The following FAM136A variants were observed in gnomAD, a reference collection of about 807,000 sequenced individuals.
FAM136A encodes TIM double twin CX3C motif chaperone.
A neutral mutation model predicts 21.6 loss-of-function variants in FAM136A; 25 were observed. The ratio of observed to expected loss-of-function variants is 1.16; its 90% confidence interval spans 0.84 to 1.62. The LOEUF (loss-of-function observed/expected upper bound fraction) is 1.62, where lower values mean the gene tolerates loss of function less well. Among genes scored for constraint, FAM136A ranks in the 40% most tolerant of loss-of-function variants. The pLI is 0.00. For synonymous variants in FAM136A, 119 were observed against 129.4 expected, an observed-to-expected ratio of 0.92 and a Z score of 0.55; for missense variants, 338 against 332.0, an observed-to-expected ratio of 1.02 and a Z score of -0.14.
intron 2 of FAM136A, among the ~76,000 whole-genome samples, chr2:70,299,818 T>C (rs557152236): frequency 6.6e-6 from 1 of 152,212 alleles, no homozygotes; most frequent in African/African-American, 2.4e-5. Context: ...GCCAGGATGG[T>C]CTGGATCTCC....
At position 70,296,668 on chromosome 2, in the gene FAM136A, AGAAATGGGGAT is replaced by A. The variant is rs1343653362; in HGVS notation, c.*610_*620del. On this transcript the variant is annotated 3_prime_UTR_variant, in exon 3 of 3. Coordinates refer to ENST00000430566, the MANE Select transcript of FAM136A (RefSeq NM_001329752.2). Reference sequence around the variant, plus strand: ...AATGTACATCCACATCTTGATGACCAGAAATGGGGATCCACAAGGAACATTTCAAAGTTCTT... The same window carrying A: ...AATGTACATCCACATCTTGATGACCACCACAAGGAACATTTCAAAGTTCTT... The A allele has an allele frequency of 6.6e-6, 1 of 151,874 alleles. No individual in the cohort carries two copies. The highest frequency in any genetic ancestry group is 2.4e-5 in the African/African-American group (1 of 41,060). 9.4% of individuals were successfully genotyped at this position (151,874 alleles called of 1,614,324 possible).
rs1261453008 is a variant in FAM136A at position 70,301,647 on chromosome 2, GCCTGCCACCAGGGGCTTCCCA to G, written c.344_364del (p.Val115_Gln121del). The G allele has an allele frequency of 1.4e-5, 21 of 1,535,500 alleles. No homozygotes were observed. The highest frequency in any genetic ancestry group is 1.8e-5 in the Non-Finnish European group (21 of 1,146,628). On this transcript the variant is annotated inframe_deletion, in exon 1 of 3. Coordinates refer to ENST00000430566, the MANE Select transcript of FAM136A (RefSeq NM_001329752.2). ...AAGAGGGGAAGGTGGTGGGGCGAGCGCCTGCCACCAGGGGCTTCCCACCTGCCGCCGAGGACGCTCCTGCCC... is the reference window on the plus strand; with the variant it reads ...AAGAGGGGAAGGTGGTGGGGCGAGCGCCTGCCGCCGAGGACGCTCCTGCCC...
chr2:70,300,282 C>T (rs1031139071), intron 2 of FAM136A, among the ~76,000 whole-genome samples: 1 of 152,188 alleles, frequency 6.6e-6, no homozygotes. Context: ...CCCCAACAAA[C>T]TGCATAAGGG....
At chr2:70,299,216 C>A (rs1028304973) in intron 2 of FAM136A, among the ~76,000 whole-genome samples, 9 of 152,298 alleles carry the variant, frequency 5.9e-5, no homozygotes, top group African/African-American at 2.2e-4. Flanking sequence ...GAACCTCAGG[C>A]TATGAAAGGC....
chr2:70,298,630 A>AT (rs1333609238), intron 2 of FAM136A, among the ~76,000 whole-genome samples: 1 of 152,238 alleles, frequency 6.6e-6, no homozygotes, highest in Admixed American at 6.5e-5. Context: ...GCCTACAGAT[A>AT]TAAATGCAGG....
chr2:70,299,626 A>G (rs761121360), intron 2 of FAM136A, among the ~76,000 whole-genome samples: 23 of 152,174 alleles, frequency 1.5e-4, no homozygotes, highest in Non-Finnish European at 2.9e-4. Context: ...TTTGAGACGG[A>G]GTCTCGCTCT....
In FAM136A at chr2:70,295,980, G is replaced by A. The variant is rs1697234309; in HGVS notation, c.*1309C>T. On this transcript the variant is annotated 3_prime_UTR_variant, in exon 3 of 3. Coordinates refer to ENST00000430566, the MANE Select transcript of FAM136A (RefSeq NM_001329752.2). Reference sequence around the variant, plus strand: ...TAAGGAAAGAAGACTCAATAGTGGGGAGAAAATTAAACCTTATTTATTTTT... The same window carrying A: ...TAAGGAAAGAAGACTCAATAGTGGGAAGAAAATTAAACCTTATTTATTTTT... 1.3e-5 allele frequency: 2 copies of A among 152,542 alleles called. No homozygotes were observed. Among genetic ancestry groups the A allele is most frequent in the Admixed American group, 1.3e-4 (2 of 15,264 alleles). 9.4% of individuals were successfully genotyped at this position (152,542 alleles called of 1,614,324 possible). A position where few individuals can be genotyped will look rare whatever the true frequency, so the allele number is the denominator to read the frequency against.
At chr2:70,298,653 A>T (rs1331196698) in intron 2 of FAM136A, among the ~76,000 whole-genome samples, 1 of 152,212 alleles carries the variant, frequency 6.6e-6, no homozygotes. Flanking sequence ...CTGTCAGCAT[A>T]GAGATTATAT....
At chr2:70,297,628 T>G in intron 2 of FAM136A, 151 bp from the exon 3 acceptor site, 1 of 689,384 alleles carries the variant, frequency 1.5e-6, no homozygotes, top group East Asian at 2.9e-5. Context: ...CAAGTTTTTT[T>G]TTTTTTTTTT....
rs1374539526 is a variant in FAM136A, at chr2:70,301,824, G to T, written c.188C>A (p.Pro63Gln). Reference sequence around the variant, plus strand: ...CCAGGGCCGCCCACACCCGGTCTGCGGGGACGCGGCTGCAGTGCAAGGCGT... The same window carrying T: ...CCAGGGCCGCCCACACCCGGTCTGCTGGGACGCGGCTGCAGTGCAAGGCGT... ...HATPCTAAAS[P>Q]QTGCGRPWGR... The change falls in exon 1 of 3, where the codon CCG (proline) becomes CAG (glutamine). Residue 63 changes from proline to glutamine, a missense_variant. Coordinates refer to ENST00000430566, the MANE Select transcript of FAM136A (RefSeq NM_001329752.2). 6 of 1,548,996 alleles carry T rather than the reference G, an allele frequency of 3.9e-6. No homozygotes were observed. The highest frequency in any genetic ancestry group is 5.2e-6 in the Non-Finnish European group (6 of 1,145,858).
chr2:70,297,568 T>A (rs895835443), intron 2 of FAM136A, 91 bp from the exon 3 acceptor site: 2 of 1,222,634 alleles, frequency 1.6e-6, no homozygotes, highest in Admixed American at 4.5e-5. Flanking sequence ...TGCTACAGGT[T>A]TAATATGTAT....
In FAM136A at chr2:70,301,998, T is replaced by C. The variant is rs1402229367; in HGVS notation, c.14A>G (p.Gln5Arg). 6.9e-6 allele frequency: 11 copies of C among 1,602,294 alleles called. No individual in the cohort carries two copies. Among genetic ancestry groups the C allele is most frequent in the African/African-American group, 2.7e-5 (2 of 74,486 alleles). The change falls in exon 1 of 3, where the codon CAG (glutamine) becomes CGG (arginine). Residue 5 changes from glutamine to arginine, a missense_variant. Transcript: ENST00000430566. The stretch of plus-strand genomic sequence containing the variant: ...CACCGCCTCCTGCACCCGGAGCTGC[T>C]GCAGCTCAGCCATGGCGACCCCGCG... Reference protein sequence around the residue: MAELQQLRVQEAVES... With the variant: MAELRQLRVQEAVES...
rs889382100 is a variant in FAM136A, at chr2:70,301,657, A to G, written c.355T>C (p.Trp119Arg). 1 of 1,535,362 alleles carries G rather than the reference A, an allele frequency of 6.5e-7. No individual in the cohort carries two copies. Among genetic ancestry groups the G allele is most frequent in the African/African-American group, 1.4e-5 (1 of 73,180 alleles). ...GGTGGTGGGGCGAGCGCCTGCCACC[A>G]GGGGCTTCCCACCTGCCGCCGAGGA... ...ERPRRQVGSP[W>R]WQALAPPPSP... The change falls in exon 1 of 3, where the codon TGG becomes CGG. Residue 119 changes from tryptophan (W) to arginine (R), a missense_variant. Physicochemically the swap from Trp to Arg is moderately radical, Grantham distance 101. Transcript: ENST00000430566.
In FAM136A at chr2:70,296,031, T is replaced by C. The variant is rs1187916196; in HGVS notation, c.*1258A>G. Reference sequence around the variant, plus strand: ...AAAGTCAAACCACTAGGAAAATATATCACAGCCTGGAAACAGCAAACGGAC... The same window carrying C: ...AAAGTCAAACCACTAGGAAAATATACCACAGCCTGGAAACAGCAAACGGAC... On this transcript the variant is annotated 3_prime_UTR_variant, in exon 3 of 3. Coordinates refer to ENST00000430566, the MANE Select transcript of FAM136A (RefSeq NM_001329752.2). 2 of 152,600 alleles carry C rather than the reference T, an allele frequency of 1.3e-5. No individual in the cohort carries two copies. The highest frequency in any genetic ancestry group is 4.8e-5 in the African/African-American group (2 of 41,438). The allele number at this position is 152,600 out of a possible 1,614,324, so 9.5% of individuals were successfully genotyped here. A position where few individuals can be genotyped will look rare whatever the true frequency, so the allele number is the denominator to read the frequency against.
rs1697291150 is a variant in FAM136A at position 70,297,630 on chromosome 2, T to TTC, written c.550-154_550-153insGA. ...TAGTGTGATTGGCCAAGTTTTTTTTTTTTTTTTTTTTTTTGAGCAGAGTCT... is the reference window on the plus strand; with the variant it reads ...TAGTGTGATTGGCCAAGTTTTTTTTTTCTTTTTTTTTTTTTTGAGCAGAGTCT... On this transcript the variant is annotated intron_variant, in intron 2 of 2. Transcript: ENST00000430566. Among the ~76,000 whole-genome samples the TTC allele has an allele frequency of 2.8e-5, 4 of 144,378 alleles. 1 individual carries two copies. The highest frequency in any genetic ancestry group is 1.1e-4 in the African/African-American group (4 of 37,936). 94.7% of individuals were successfully genotyped at this position (144,378 alleles called of 152,430 possible).
chr2:70,298,667 C>T (rs1697317880), intron 2 of FAM136A, among the ~76,000 whole-genome samples: 1 of 152,174 alleles, frequency 6.6e-6, no homozygotes, highest in East Asian at 1.9e-4. Context: ...ATTATATTTA[C>T]AGCTATGAGG....
chr2:70,299,103 G>A (rs573679577), intron 2 of FAM136A, among the ~76,000 whole-genome samples: 2 of 152,360 alleles, frequency 1.3e-5, no homozygotes, highest in Non-Finnish European at 1.5e-5. Flanking sequence ...GGGGTTCCAT[G>A]ATCTTGAAGA....
chr2:70,298,583 T>A (rs1697315901), intron 2 of FAM136A, among the ~76,000 whole-genome samples: 1 of 152,226 alleles, frequency 6.6e-6, no homozygotes, highest in Middle Eastern at 3.4e-3. Flanking sequence ...GAGGAATTAG[T>A]TGGATATGTG....
At chr2:70,298,920 C>T (rs1443377855) in intron 2 of FAM136A, among the ~76,000 whole-genome samples, 1 of 152,198 alleles carries the variant, frequency 6.6e-6, no homozygotes, top group Admixed American at 6.5e-5. Flanking sequence ...CCCCCGGATT[C>T]GGCCCCATGG....
Sources: allele counts gnomAD v4.1 joint callset (sites outside exome capture counted in the v4.1 genomes callset), GRCh38; gene constraint gnomAD v4.1.1; transcripts MANE v1.5; gene names NCBI Gene and HGNC (gene_info 2026-07-23, HGNC 2026-07-21).